The following PDE1C variants were observed in gnomAD, a reference collection of about 807,000 sequenced individuals.
PDE1C encodes dual specificity calcium/calmodulin-dependent 3',5'-cyclic nucleotide phosphodiesterase 1C.
In PDE1C, 62 loss-of-function variants were observed where a neutral mutation model predicts 93.1. The ratio of observed to expected loss-of-function variants is 0.67; its 90% CI spans 0.54 to 0.82. PDE1C has a LOEUF of 0.82. Among genes scored for constraint, PDE1C ranks in the 40% least tolerant of loss-of-function variants. The pLI is 0.00. For synonymous variants in PDE1C, 325 were observed against 310.1 expected, an observed-to-expected ratio of 1.05 and a Z score of -0.50; for missense variants, 742 against 884.6, an observed-to-expected ratio of 0.84 and a Z score of 2.04.
At chr7:31,775,857 G>A in intron 16 of PDE1C, 125 bp from the exon 17 acceptor site, 1 of 770,696 alleles carries the variant, frequency 1.3e-6, no homozygotes. Flanking sequence ...CAGGTTAGGT[G>A]AGGTTGCAGG....
At chr7:32,232,427 G>A (rs1022038519) in intron 1 of PDE1C, among the ~76,000 whole-genome samples, 4 of 152,198 alleles carry the variant, frequency 2.6e-5, no homozygotes, top group African/African-American at 9.6e-5. Context: ...TCTGACCAGA[G>A]AAACAGTGGT....
At chr7:32,028,924 A>G (rs1789867601) in intron 2 of PDE1C, among the ~76,000 whole-genome samples, 1 of 152,230 alleles carries the variant, frequency 6.6e-6, no homozygotes, top group East Asian at 1.9e-4. Flanking sequence ...TCCACATCTA[A>G]GTGGAAACAA....
chr7:31,628,895 TCAA>T, the PDE1C span, among the ~76,000 whole-genome samples: 1 of 152,174 alleles, frequency 6.6e-6, no homozygotes, highest in Non-Finnish European at 1.5e-5. Flanking sequence ...ACCAGTGGAC[TCAA>T]CAAGGACAAT....
At chr7:32,201,205 T>C (rs540944084) in intron 2 of PDE1C, among the ~76,000 whole-genome samples, 8 of 152,376 alleles carry the variant, frequency 5.3e-5, no homozygotes, top group African/African-American at 1.9e-4. Context: ...TCAGCATTTC[T>C]ATGTGCTTGT....
chr7:31,743,410 C>G, the PDE1C span, among the ~76,000 whole-genome samples: 1,572 of 152,176 alleles, frequency 0.01, 33 homozygotes, highest in African/African-American at 0.036. Context: ...ATGCCTGAGG[C>G]TGCAGCCCTG....
rs1267109059 is a variant in PDE1C at position 32,095,223 on chromosome 7, G to T, written c.308+74562C>A. ...AAAAACAATGTTCCATGCTCAGCTT[G>T]CCTGAAGACTGAAAATCTTGGGAAA... On this transcript the variant is annotated intron_variant, in intron 3 of 18. Coordinates refer to the PDE1C transcript ENST00000396193. Among the ~76,000 whole-genome samples the T allele has an allele frequency of 3.3e-5, 5 of 152,176 alleles. No individual in the cohort carries two copies. The East Asian group carries it at 9.6e-4, about 29-fold the overall frequency.
intron 1 of PDE1C, among the ~76,000 whole-genome samples, chr7:32,064,534 A>C (rs1037640185): frequency 6.6e-6 from 1 of 152,168 alleles, no homozygotes; most frequent in Non-Finnish European, 1.5e-5. Context: ...CCAGGCCTCG[A>C]GTCGCATCTC....
intron 2 of PDE1C, among the ~76,000 whole-genome samples, chr7:31,925,276 T>A (rs1803220699): frequency 6.6e-6 from 1 of 152,194 alleles, no homozygotes; most frequent in Non-Finnish European, 1.5e-5. Context: ...TCCTTGAATA[T>A]GTCTGTTATC....
chr7:32,058,723 T>C (rs1237422563), intron 1 of PDE1C, among the ~76,000 whole-genome samples: 1 of 152,204 alleles, frequency 6.6e-6, no homozygotes, highest in Non-Finnish European at 1.5e-5. Flanking sequence ...CTTTCCCATA[T>C]TTTGAACAAG....
At chr7:31,726,830 C>T in the PDE1C span, among the ~76,000 whole-genome samples, 333 of 152,180 alleles carry the variant, frequency 2.2e-3, 3 homozygotes, top group African/African-American at 7.6e-3. Context: ...GTCAGGAGTT[C>T]GAGACCAAAC....
At chr7:32,344,315 A>G (rs1368590866) in intron 1 of PDE1C, among the ~76,000 whole-genome samples, 1 of 152,140 alleles carries the variant, frequency 6.6e-6, no homozygotes, top group African/African-American at 2.4e-5. Context: ...GCCTCAAGGG[A>G]TCCTTCTGCC....
At chr7:31,903,708 G>C (rs1357752743) in intron 2 of PDE1C, among the ~76,000 whole-genome samples, 1 of 152,026 alleles carries the variant, frequency 6.6e-6, no homozygotes, top group African/African-American at 2.4e-5. Flanking sequence ...CCCAAAATGG[G>C]AAGACTGATT....
At chr7:31,810,840 T>C (rs899659988) in intron 15 of PDE1C, among the ~76,000 whole-genome samples, 20 of 152,144 alleles carry the variant, frequency 1.3e-4, no homozygotes, top group African/African-American at 4.8e-4. Flanking sequence ...CTAAATGCCT[T>C]TGGCCTATGA....
chr7:32,291,834 CAG>C (rs1812347295), intron 1 of PDE1C, among the ~76,000 whole-genome samples: 1 of 152,176 alleles, frequency 6.6e-6, no homozygotes, highest in African/African-American at 2.4e-5. Context: ...GCAGGAATCG[CAG>C]AGATTTCCTT....
chr7:32,149,967 C>T (rs1269892720), intron 3 of PDE1C, among the ~76,000 whole-genome samples: 1 of 152,164 alleles, frequency 6.6e-6, no homozygotes, highest in Non-Finnish European at 1.5e-5. Flanking sequence ...CGGGCTTCTA[C>T]TCTAATCAAG....
chr7:32,017,868 C>T (rs141249733), intron 2 of PDE1C, among the ~76,000 whole-genome samples: 13 of 151,904 alleles, frequency 8.6e-5, no homozygotes, highest in African/African-American at 2.7e-4. Flanking sequence ...TGCTTGAGTC[C>T]AAGAGTTTGA....
intron 11 of PDE1C, among the ~76,000 whole-genome samples, chr7:31,831,754 G>T (rs550690369): frequency 1.3e-5 from 2 of 152,096 alleles, no homozygotes; most frequent in East Asian, 3.9e-4. Flanking sequence ...AAGAGATGAT[G>T]GAGAAGATGG....
At chr7:31,640,625 T>C in the PDE1C span, among the ~76,000 whole-genome samples, 1 of 149,768 alleles carries the variant, frequency 6.7e-6, no homozygotes, top group Admixed American at 6.7e-5. Context: ...CTGTCTGAGG[T>C]CCATTGTCTC....
Position 31,811,382 on chromosome 7 carries a change from T to G in PDE1C, c.1814-2274A>C, listed in dbSNP as rs1460706665. On this transcript the variant is annotated intron_variant, in intron 15 of 17. Transcript: ENST00000396191. ...AGTGTGAAAACAGACTAATACACAC[T>G]AGGTGGAAGAATTGAGGAGCAGGGG... is the stretch of plus-strand genomic sequence containing the variant. Among the ~76,000 whole-genome samples the G allele has an allele frequency of 3.3e-5, 5 of 152,126 alleles. No individual in the cohort carries two copies. In the South Asian group the frequency reaches 1.0e-3, roughly 32 times the overall value.
Sources: allele counts gnomAD v4.1 joint callset (sites outside exome capture counted in the v4.1 genomes callset), GRCh38; gene constraint gnomAD v4.1.1; transcripts MANE v1.5; gene names NCBI Gene and HGNC (gene_info 2026-07-23, HGNC 2026-07-21).